Variants in TRAK1 observed in about 807,000 individuals in gnomAD.
The protein encoded by TRAK1 is trafficking kinesin-binding protein 1.
In TRAK1, 33 loss-of-function variants were observed where a neutral mutation model predicts 92.1. The ratio of observed to expected loss-of-function variants is 0.36; its 90% CI spans 0.27 to 0.48. TRAK1 has a LOEUF of 0.48. Ranked by LOEUF, TRAK1 falls within the 20% of genes least tolerant of loss-of-function variation. The probability of loss-of-function intolerance (pLI) is 0.99; values close to 1 mark genes in which losing one functional copy is unlikely to be tolerated. For synonymous variants in TRAK1, 521 were observed against 517.3 expected (o/e 1.01, Z -0.10); for missense variants, 1,123 against 1,257.9 (o/e 0.89, Z 1.62).
At chr3:42,212,057 C>T (rs1435402233) in intron 14 of TRAK1, 4 of 985,260 alleles carry the variant, frequency 4.1e-6, no homozygotes, top group Non-Finnish European at 3.6e-6. Context: ...TGAATTGGCT[C>T]TATTTTCTCT....
At chr3:42,157,389 T>G (rs1417847824) in intron 2 of TRAK1, among the ~76,000 whole-genome samples, 2 of 132,090 alleles carry the variant, frequency 1.5e-5, no homozygotes, top group African/African-American at 5.8e-5. Flanking sequence ...AGCCTAGAGG[T>G]CGAGGCTGCA....
At chr3:42,160,558 G>GTTTTTTTTTTTTTTT (rs11370773) in intron 2 of TRAK1, 1 of 1,054,782 alleles carries the variant, frequency 9.5e-7, no homozygotes. Context: ...TCATAGCACT[G>GTTTTTTTTTTTTTTT]TTTTGTTTTT....
intron 1 of TRAK1, among the ~76,000 whole-genome samples, chr3:42,115,073 T>C (rs976207936): frequency 2.0e-5 from 3 of 152,362 alleles, no homozygotes; most frequent in Non-Finnish European, 2.9e-5. Context: ...TTTATCTTTT[T>C]ATTTCCTAGC....
At chr3:42,060,594 T>G (rs1186077745) in intron 1 of TRAK1, among the ~76,000 whole-genome samples, 1 of 151,666 alleles carries the variant, frequency 6.6e-6, no homozygotes, top group Non-Finnish European at 1.5e-5. Flanking sequence ...CATATTAATA[T>G]CACACCTGTT....
At chr3:42,220,479 C>T in intron 15 of TRAK1, 1 of 985,412 alleles carries the variant, frequency 1.0e-6, no homozygotes, top group Non-Finnish European at 1.2e-6. Context: ...GCACCTTAAA[C>T]TATGAATAAT....
At chr3:42,144,652 G>C (rs1193675811) in intron 2 of TRAK1, among the ~76,000 whole-genome samples, 2 of 151,984 alleles carry the variant, frequency 1.3e-5, no homozygotes, top group African/African-American at 4.8e-5. Context: ...AAACAAAAAA[G>C]CAAGCAAATA....
At chr3:42,203,039 C>T in intron 13 of TRAK1, 1 of 1,241,074 alleles carries the variant, frequency 8.1e-7, no homozygotes, top group Non-Finnish European at 1.0e-6. Flanking sequence ...GCCTTTAGAA[C>T]CTTAGAAATA....
rs960951232 is a variant in TRAK1, at chr3:42,224,443, A to G, written c.*706A>G. The G allele has an allele frequency of 1.9e-5, 4 of 214,564 alleles. No homozygotes were observed. The highest frequency in any genetic ancestry group is 9.6e-5 in the African/African-American group (4 of 41,764). 13.3% of individuals were successfully genotyped at this position (214,564 alleles called of 1,614,324 possible). On this transcript the variant is annotated 3_prime_UTR_variant, in exon 16 of 16. Coordinates refer to ENST00000327628, the MANE Select transcript of TRAK1 (RefSeq NM_001042646.3). ...CCCGAAAGAGAATGTATTTACACTC[A>G]TGCTGCGTTGTTCAGCAGCCCCTCT...
intron 1 of TRAK1, among the ~76,000 whole-genome samples, chr3:42,119,311 G>A (rs181909695): frequency 3.9e-5 from 6 of 152,308 alleles, no homozygotes; most frequent in African/African-American, 1.4e-4. Context: ...AGTTTGCTAG[G>A]CAGTGAAGGG....
At chr3:42,102,449 G>A (rs973226391) in intron 1 of TRAK1, among the ~76,000 whole-genome samples, 1 of 152,312 alleles carries the variant, frequency 6.6e-6, no homozygotes, top group African/African-American at 2.4e-5. Context: ...GTTTTCCAGA[G>A]ATTTGCTGAT....
At chr3:42,068,919 C>A (rs1053299563) in intron 1 of TRAK1, among the ~76,000 whole-genome samples, 8 of 152,276 alleles carry the variant, frequency 5.3e-5, no homozygotes, top group African/African-American at 1.7e-4. Context: ...CAACATCATA[C>A]AGTGACCTAT....
At chr3:42,013,211 C>T (rs574240457), upstream of TRAK1, among the ~76,000 whole-genome samples, 1 of 152,338 alleles carries the variant, frequency 6.6e-6, no homozygotes, top group South Asian at 2.1e-4. The surrounding 1 kb of genome is among the most constrained non-coding windows in gnomAD (Gnocchi z 5.1). Flanking sequence ...CATCCTCCCT[C>T]CATTTAAGCC....
chr3:42,120,522 T>TG (rs1709710233), intron 1 of TRAK1, among the ~76,000 whole-genome samples: 1 of 152,086 alleles, frequency 6.6e-6, no homozygotes, highest in Admixed American at 6.5e-5. Context: ...AGTAAATTCT[T>TG]GCCTCTGCTT....
chr3:42,062,143 C>G (rs1341344881), intron 1 of TRAK1, among the ~76,000 whole-genome samples: 5 of 152,204 alleles, frequency 3.3e-5, no homozygotes, highest in African/African-American at 7.2e-5. Context: ...GGACAAGTCA[C>G]TCACCTTCTA....
At chr3:42,018,577 T>A (rs1052143175) in intron 1 of TRAK1, among the ~76,000 whole-genome samples, 1 of 152,234 alleles carries the variant, frequency 6.6e-6, no homozygotes, top group Non-Finnish European at 1.5e-5. Context: ...AATCTTTTTT[T>A]TCTTTTAAGA....
At chr3:42,106,886 A>G (rs1707638102) in intron 1 of TRAK1, among the ~76,000 whole-genome samples, 1 of 152,254 alleles carries the variant, frequency 6.6e-6, no homozygotes, top group Admixed American at 6.5e-5. Flanking sequence ...TTTCCTGTTC[A>G]GGAAATAATT....
intron 1 of TRAK1, among the ~76,000 whole-genome samples, chr3:42,068,552 C>T (rs1482050498): frequency 1.3e-5 from 2 of 152,166 alleles, no homozygotes; most frequent in South Asian, 4.1e-4. Flanking sequence ...ATTTTGCACT[C>T]TTTGAGTTTT....
At chr3:42,178,524 C>T (rs1703525863) in intron 3 of TRAK1, among the ~76,000 whole-genome samples, 1 of 152,166 alleles carries the variant, frequency 6.6e-6, no homozygotes, top group African/African-American at 2.4e-5. Context: ...ACTCCATCCC[C>T]AGGTAGTCTG....
intron 1 of TRAK1, among the ~76,000 whole-genome samples, chr3:42,032,355 C>T (rs1420898606): frequency 1.3e-5 from 2 of 152,124 alleles, no homozygotes; most frequent in African/African-American, 2.4e-5. Flanking sequence ...AGGCCTCTTT[C>T]CTTTCCTCTG....
Sources: gnomAD v4.1 joint callset for allele counts (sites outside exome capture counted in the v4.1 genomes callset) on GRCh38, gnomAD v4.1.1 for gene constraint, Gnocchi (gnomAD v3.1) non-coding constraint, MANE v1.5 for transcripts, NCBI Gene and HGNC (gene_info 2026-07-23, HGNC 2026-07-21) for gene names.